Variants in CPEB4 observed in about 807,000 individuals in gnomAD.
CPEB4 encodes the protein cytoplasmic polyadenylation element-binding protein 4.
Under a neutral mutation model 72.5 loss-of-function variants are expected in CPEB4, and 12 were observed. The ratio of observed to expected loss-of-function variants is 0.17; its 90% CI spans 0.11 to 0.27. The LOEUF (loss-of-function observed/expected upper bound fraction) is 0.27, where lower values mean the gene tolerates loss of function less well. Ranked by LOEUF, CPEB4 falls within the 10% of genes least tolerant of loss-of-function variation. The pLI is 1.00. For synonymous variants in CPEB4, 302 were observed against 326.3 expected (o/e 0.93, Z 0.80); for missense variants, 614 against 908.5 (o/e 0.68, Z 4.17).
At position 173,890,522 on chromosome 5, in the gene CPEB4, T is replaced by A; in HGVS notation, c.789T>A (p.His263Gln). 6.2e-7 allele frequency: 1 copy of A among 1,613,914 alleles called. No individual in the cohort carries two copies. The highest frequency in any genetic ancestry group is 8.5e-7 in the Non-Finnish European group (1 of 1,179,948). Residue 263 changes from histidine (H) to glutamine (Q), a missense_variant, in exon 1 of 10, where the codon CAT (histidine) becomes CAA (glutamine). His to Gln is a conservative substitution (Grantham distance 24). This residue lies in a region of CPEB4 where 458 missense variants were observed against 548.6 expected (regional missense o/e 0.83). Coordinates refer to ENST00000265085, the MANE Select transcript of CPEB4 (RefSeq NM_030627.4). ...GTCCCCATCCCCCACCCTTCACACATAGAAATGCTGCTTTTAACCAGCTGC... is the reference window on the plus strand; with the variant it reads ...GTCCCCATCCCCCACCCTTCACACAAAGAAATGCTGCTTTTAACCAGCTGC... Reference protein sequence around the residue: ...PASPHPPPFTHRNAAFNQLPH... With the variant: ...PASPHPPPFTQRNAAFNQLPH...
intron 1 of CPEB4, among the ~76,000 whole-genome samples, chr5:173,907,844 G>A (rs1467168308): frequency 6.6e-6 from 1 of 152,154 alleles, no homozygotes; most frequent in African/African-American, 2.4e-5. Context: ...ACAGTCTTGT[G>A]GGCTTAGGAC....
rs543452747 is a variant in CPEB4 at position 173,940,073 on chromosome 5, A to G, written c.1259-2953A>G. Among the ~76,000 whole-genome samples the G allele has an allele frequency of 2.0e-5, 3 of 152,168 alleles. No individual in the cohort carries two copies. The South Asian group carries it at 6.2e-4, about 32-fold the overall frequency. On this transcript the variant is annotated intron_variant, in intron 3 of 9. Transcript: ENST00000265085. ...CAGTGAGCTGAGATCGTGCCACCGC[A>G]CTCCAGCCTGGGCGAGAATCCATCT...
chr5:173,919,066 A>C (rs1026197944), intron 2 of CPEB4, among the ~76,000 whole-genome samples: 22 of 152,172 alleles, frequency 1.4e-4, no homozygotes, highest in Non-Finnish European at 3.1e-4. Context: ...TTTTCTTTTC[A>C]GTTGTAGTAA....
At position 173,889,846 on chromosome 5, in the gene CPEB4, C is replaced by T. The variant is rs759818734; in HGVS notation, c.113C>T (p.Thr38Ile). Residue 38 changes from threonine to isoleucine, a missense_variant, in exon 1 of 10, where the codon ACC becomes ATC. By Grantham distance (89) the Thr-to-Ile change is moderately conservative. Around this residue, in one of 5 missense-constraint regions of CPEB4, gnomAD observed 458 missense variants for 548.6 expected, o/e 0.83. Transcript: ENST00000265085. ...CCTCCACACCATCACCAAAATGCCACCCCCAGCCCTGCTGCTTTTATAAAT... is the reference window on the plus strand; with the variant it reads ...CCTCCACACCATCACCAAAATGCCATCCCCAGCCCTGCTGCTTTTATAAAT... ...LQPPHHHQNA[T>I]PSPAAFINNN... 4 of 1,614,190 alleles carry T rather than the reference C, an allele frequency of 2.5e-6. No homozygotes were observed. In the South Asian group the frequency reaches 4.4e-5, roughly 18 times the overall value.
chr5:173,943,543 C>T (rs1216385963), intron 4 of CPEB4, among the ~76,000 whole-genome samples: 1 of 151,922 alleles, frequency 6.6e-6, no homozygotes, highest in Non-Finnish European at 1.5e-5. Flanking sequence ...AAATTTCAAA[C>T]ATTTGGGGGA....
At position 173,956,116 on chromosome 5, in the gene CPEB4, T is replaced by G. The variant is rs761613161; in HGVS notation, c.2169T>G (p.His723Gln). 1 of 1,614,118 alleles carries G rather than the reference T, an allele frequency of 6.2e-7. No homozygotes were observed. Among genetic ancestry groups the G allele is most frequent in the Non-Finnish European group, 8.5e-7 (1 of 1,179,976 alleles). ...AGGAAGGCGGTGACCGCCCTCGGCA[T>G]ATTTCATTCCGCTGGAACTAAAGGA... ...LVKEGGDRPRHISFRWN is the reference protein window; with the variant it reads ...LVKEGGDRPRQISFRWN The change falls in exon 10 of 10, where the codon CAT (histidine) becomes CAG (glutamine). Residue 723 changes from histidine to glutamine, a missense_variant. This residue lies in a region of CPEB4 where 101 missense variants were observed against 243.1 expected (regional missense o/e 0.42). Transcript: ENST00000265085.
chr5:173,892,274 ATT>A (rs71820084), intron 1 of CPEB4, among the ~76,000 whole-genome samples: 14 of 120,734 alleles, frequency 1.2e-4, no homozygotes, highest in Admixed American at 1.6e-4. Flanking sequence ...TCTAAAAACG[ATT>A]TTTTTTTTTT....
chr5:173,926,636 G>T (rs1006557865), intron 2 of CPEB4, among the ~76,000 whole-genome samples: 2 of 152,176 alleles, frequency 1.3e-5, no homozygotes, highest in Non-Finnish European at 2.9e-5. Context: ...TCTGCAGCTG[G>T]CCTCCAGAGA....
At chr5:173,933,038 C>A (rs975071112) in intron 3 of CPEB4, among the ~76,000 whole-genome samples, 1 of 152,172 alleles carries the variant, frequency 6.6e-6, no homozygotes, top group South Asian at 2.1e-4. Flanking sequence ...TCTTTTTATG[C>A]GCATAGTGAA....
intron 2 of CPEB4, among the ~76,000 whole-genome samples, chr5:173,921,824 C>G (rs1341390345): frequency 1.3e-5 from 2 of 152,180 alleles, no homozygotes; most frequent in Non-Finnish European, 2.9e-5. Context: ...TGCATTTTTC[C>G]TTTTCGAGGT....
chr5:173,938,849 G>C (rs1477488038), intron 3 of CPEB4, among the ~76,000 whole-genome samples: 3 of 152,002 alleles, frequency 2.0e-5, no homozygotes, highest in Non-Finnish European at 2.9e-5. Flanking sequence ...AACCAAAAAG[G>C]GTTCATTAAC....
At chr5:173,923,995 C>T (rs568145627) in intron 2 of CPEB4, among the ~76,000 whole-genome samples, 5 of 152,220 alleles carry the variant, frequency 3.3e-5, no homozygotes, top group African/African-American at 9.6e-5. Flanking sequence ...CTGGACATTC[C>T]CTTCTGCCTG....
chr5:173,916,719 T>G (rs1756882930), intron 2 of CPEB4, among the ~76,000 whole-genome samples: 2 of 152,238 alleles, frequency 1.3e-5, no homozygotes, highest in Admixed American at 1.3e-4. Context: ...CATCTGTGCT[T>G]CTTTTCTTTG....
intron 2 of CPEB4, among the ~76,000 whole-genome samples, chr5:173,929,300 A>C (rs955541388): frequency 2.0e-5 from 3 of 152,264 alleles, no homozygotes; most frequent in African/African-American, 7.2e-5. Flanking sequence ...TCTCTTTAAA[A>C]GATACCCAAA....
chr5:173,958,570 C>T lies in CPEB4; in HGVS notation c.*2433C>T, dbSNP rs1758448242. 1 of 152,538 alleles carries T rather than the reference C, an allele frequency of 6.6e-6. No homozygotes were observed. The highest frequency in any genetic ancestry group is 2.1e-4 in the South Asian group (1 of 4,828). 9.4% of individuals were successfully genotyped at this position (152,538 alleles called of 1,614,324 possible). A position where few individuals can be genotyped will look rare whatever the true frequency, so the allele number is the denominator to read the frequency against. On this transcript the variant is annotated 3_prime_UTR_variant, in exon 10 of 10. Transcript: ENST00000265085. The stretch of plus-strand genomic sequence containing the variant: ...TCTGCAGAGAAGAGAAAGCATGTTG[C>T]TTAAACATCCTTCCCCAGCACCAGC...
chr5:173,894,620 CA>C (rs35059321), intron 1 of CPEB4, among the ~76,000 whole-genome samples: 19,466 of 90,230 alleles, frequency 0.22, 1,185 homozygotes, highest in South Asian at 0.36. Context: ...GACTCCGACT[CA>C]AAAAAAAAAA....
Position 173,890,098 on chromosome 5 carries a change from A to G in CPEB4, c.365A>G (p.Asn122Ser), listed in dbSNP as rs1379132567. ...KAKSEENQGD[N>S]SSENGNGKEK... is the part of the protein sequence containing the mutation. The stretch of plus-strand genomic sequence containing the variant: ...AAATCAGAAGAAAATCAAGGGGACA[A>G]TTCTTCGGAAAATGGCAATGGGAAG... The change falls in exon 1 of 10, where the codon AAT becomes AGT. Residue 122 changes from asparagine (N) to serine (S), a missense_variant. This residue lies in a region of CPEB4 where 458 missense variants were observed against 548.6 expected (regional missense o/e 0.83). Transcript: ENST00000265085. 6.2e-7 allele frequency: 1 copy of G among 1,614,066 alleles called. No homozygotes were observed. The highest frequency in any genetic ancestry group is 8.5e-7 in the Non-Finnish European group (1 of 1,180,048).
In CPEB4 at chr5:173,889,872, A is replaced by G; in HGVS notation, c.139A>G (p.Asn47Asp). 6.2e-7 allele frequency: 1 copy of G among 1,614,144 alleles called. No individual in the cohort carries two copies. The highest frequency in any genetic ancestry group is 8.5e-7 in the Non-Finnish European group (1 of 1,179,988). ...ATPSPAAFIN[N>D]NTAANGSSAG... ...CCCCAGCCCTGCTGCTTTTATAAAT[A>G]ATAACACAGCTGCCAATGGCAGCAG... The change falls in exon 1 of 10, where the codon AAT (asparagine) becomes GAT (aspartate). Residue 47 changes from asparagine (N) to aspartate (D), a missense_variant. Asn to Asp is a conservative substitution (Grantham distance 23, BLOSUM62 1). Transcript: ENST00000265085.
In CPEB4 at chr5:173,955,887, TAA is replaced by T. The variant is rs1758362050; in HGVS notation, c.1963-21_1963-20del. 1.3e-6 allele frequency: 2 copies of T among 1,590,470 alleles called. No homozygotes were observed. The highest frequency in any genetic ancestry group is 1.7e-6 in the Non-Finnish European group (2 of 1,161,644). On this transcript the variant is annotated intron_variant, in intron 9 of 9. Coordinates refer to ENST00000265085, the MANE Select transcript of CPEB4 (RefSeq NM_030627.4). The surrounding 1 kb of genome is among the most constrained non-coding windows in gnomAD (Gnocchi z 4.7). ...TTGCTGGCCTAGTCACTGAAAAATG[TAA>T]ACTCTTATTTTTGATTGCAGGTGGA...
Sources: allele counts gnomAD v4.1 joint callset (sites outside exome capture counted in the v4.1 genomes callset), GRCh38; gene constraint gnomAD v4.1.1; regional missense constraint gnomAD v4.1.1; non-coding constraint Gnocchi (gnomAD v3.1); transcripts MANE v1.5; gene names NCBI Gene and HGNC (gene_info 2026-07-23, HGNC 2026-07-21).